Variants in CYRIA observed in about 807,000 individuals in gnomAD.
The protein encoded by CYRIA is CYFIP-related Rac1 interactor A.
Under a neutral mutation model 43.9 loss-of-function variants are expected in CYRIA, and 15 were observed. That is an observed-to-expected ratio of 0.34 (90% CI 0.23 to 0.53). CYRIA has a LOEUF of 0.53. CYRIA is among the 20% of genes least tolerant of loss of function. The pLI is 0.94. For synonymous variants in CYRIA, 117 were observed against 136.0 expected (o/e 0.86, Z 0.97); for missense variants, 236 against 394.2 (o/e 0.60, Z 3.40).
chr2:16,652,587 T>A (rs1336285079), intron 1 of CYRIA, among the ~76,000 whole-genome samples: 1 of 152,192 alleles, frequency 6.6e-6, no homozygotes. Flanking sequence ...AGAGATGAAG[T>A]CTTCCGGGTC....
chr2:16,656,821 C>G (rs2103554558), intron 1 of CYRIA, among the ~76,000 whole-genome samples: 1 of 152,338 alleles, frequency 6.6e-6, no homozygotes, highest in South Asian at 2.1e-4. Flanking sequence ...CTTGGTCAAG[C>G]AGCCAGTGAG....
At chr2:16,610,854 T>C (rs911078762) in intron 2 of CYRIA, among the ~76,000 whole-genome samples, 1 of 141,806 alleles carries the variant, frequency 7.1e-6, no homozygotes, top group Non-Finnish European at 1.5e-5. Context: ...TCATCATCCT[T>C]GGCACTTGCC....
chr2:16,590,267 C>T (rs1262034736), intron 2 of CYRIA, among the ~76,000 whole-genome samples: 7 of 152,138 alleles, frequency 4.6e-5, no homozygotes, highest in Admixed American at 3.3e-4. Context: ...GAGTCCATCC[C>T]TGCCACTGGG....
At chr2:16,622,962 T>G (rs1669044803) in intron 2 of CYRIA, 1 of 152,252 alleles carries the variant, frequency 6.6e-6, no homozygotes, top group Admixed American at 6.5e-5. Context: ...CTTAGCTTCG[T>G]GAAATGCTTC....
At chr2:16,565,909 T>A in intron 3 of CYRIA, 142 bp from the exon 4 acceptor site, 3 of 730,734 alleles carry the variant, frequency 4.1e-6, no homozygotes, top group Non-Finnish European at 5.8e-6. Context: ...AATAAGCTGC[T>A]AGGATGCTAG....
At chr2:16,608,824 TGCTTTGGAGCTGGA>T (rs1668498696) in intron 2 of CYRIA, among the ~76,000 whole-genome samples, 1 of 152,196 alleles carries the variant, frequency 6.6e-6, no homozygotes, top group African/African-American at 2.4e-5. Context: ...CCTGCACTGT[TGCTTTGGAGCTGGA>T]GAAGAAAGCC....
At chr2:16,600,187 A>C (rs1668155817) in intron 2 of CYRIA, among the ~76,000 whole-genome samples, 1 of 152,268 alleles carries the variant, frequency 6.6e-6, no homozygotes, top group Non-Finnish European at 1.5e-5. Flanking sequence ...ACTGAAAAGA[A>C]ATGAAATGCC....
chr2:16,656,768 G>A (rs538085722), intron 1 of CYRIA, among the ~76,000 whole-genome samples: 55 of 152,350 alleles, frequency 3.6e-4, no homozygotes, highest in African/African-American at 1.3e-3. Context: ...CAGAGCAATT[G>A]CTGGAATGGC....
chr2:16,613,823 G>A (rs1410311307), intron 2 of CYRIA, among the ~76,000 whole-genome samples: 3 of 152,196 alleles, frequency 2.0e-5, no homozygotes, highest in Non-Finnish European at 2.9e-5. Flanking sequence ...AGTAGCCAAC[G>A]CTTACTTAAT....
intron 3 of CYRIA, among the ~76,000 whole-genome samples, chr2:16,569,208 G>A (rs762818605): frequency 2.4e-4 from 37 of 152,086 alleles, no homozygotes; most frequent in Non-Finnish European, 4.9e-4. Context: ...CGGACTTCAG[G>A]GGCTGTGGTA....
rs1669933410 is a variant in CYRIA at position 16,650,121 on chromosome 2, A to G, written c.-167+15659T>C. On this transcript the variant is annotated intron_variant, in intron 1 of 11. Transcript: ENST00000381323. The surrounding 1 kb of genome is among the most constrained non-coding windows in gnomAD (Gnocchi z 4.1). ...CAACCTGCAGCCCCTGACACGTGGC[A>G]CAGCAAGACAGTCGTCGCCATCAGC... Among the ~76,000 whole-genome samples, 1 of 152,216 alleles carries G rather than the reference A, an allele frequency of 6.6e-6. No homozygotes were observed. Among genetic ancestry groups the G allele is most frequent in the African/African-American group, 2.4e-5 (1 of 41,450 alleles).
At chr2:16,577,444 A>C (rs1377558891) in intron 3 of CYRIA, among the ~76,000 whole-genome samples, 2 of 152,208 alleles carry the variant, frequency 1.3e-5, no homozygotes, top group Non-Finnish European at 2.9e-5. Flanking sequence ...AACAAGTTAG[A>C]TACTCTACAA....
At chr2:16,617,990 T>C (rs1311623874) in intron 2 of CYRIA, among the ~76,000 whole-genome samples, 1 of 152,186 alleles carries the variant, frequency 6.6e-6, no homozygotes, top group Non-Finnish European at 1.5e-5. Flanking sequence ...TCTCCCTCTC[T>C]CCCTCTTTAT....
In CYRIA at chr2:16,592,702, T is replaced by C. The variant is rs79981275; in HGVS notation, c.-10-4573A>G. On this transcript the variant is annotated intron_variant, in intron 2 of 11. Transcript: ENST00000381323. ...TGTTGACTCAGCTCATTCTCAAATA[T>C]GACTTCTACTGTGAAACAGACTCTT... is the stretch of plus-strand genomic sequence containing the variant. Among the ~76,000 whole-genome samples the C allele has an allele frequency of 1.5e-3, 232 of 152,290 alleles. 7 individuals carry two copies. The East Asian group carries it at 0.04, about 26-fold the overall frequency.
At chr2:16,635,507 G>T (rs1669468760) in intron 1 of CYRIA, among the ~76,000 whole-genome samples, 1 of 152,218 alleles carries the variant, frequency 6.6e-6, no homozygotes, top group Admixed American at 6.5e-5. Context: ...TGCGGGAAAA[G>T]TAAACGTGTC....
intron 1 of CYRIA, among the ~76,000 whole-genome samples, chr2:16,634,140 G>A (rs150175122): frequency 1.4e-3 from 207 of 152,264 alleles, no homozygotes; most frequent in Middle Eastern, 6.8e-3. Flanking sequence ...ACAGCCAGCC[G>A]ATCCACTAAG....
chr2:16,579,084 G>A (rs1422727847), intron 3 of CYRIA, among the ~76,000 whole-genome samples: 1 of 152,054 alleles, frequency 6.6e-6, no homozygotes, highest in Non-Finnish European at 1.5e-5. Context: ...AACAATGAAA[G>A]CCAGAAGACA....
In CYRIA at chr2:16,646,565, G is replaced by T. The variant is rs115115375; in HGVS notation, c.-167+19215C>A. Among the ~76,000 whole-genome samples the T allele has an allele frequency of 6.5e-3, 988 of 152,270 alleles. 8 individuals are homozygous for T. Among genetic ancestry groups the T allele is most frequent in the African/African-American group, 0.023 (960 of 41,542 alleles). On this transcript the variant is annotated intron_variant, in intron 1 of 11. Transcript: ENST00000381323. ...CGTGCAGTGTGGGAGCCTCCTTGTTGCGACTTGACATTTTCTTTAATTGTA... is the reference window on the plus strand; with the variant it reads ...CGTGCAGTGTGGGAGCCTCCTTGTTTCGACTTGACATTTTCTTTAATTGTA...
At chr2:16,642,547 G>T (rs544460961) in intron 1 of CYRIA, among the ~76,000 whole-genome samples, 29 of 152,278 alleles carry the variant, frequency 1.9e-4, no homozygotes, top group African/African-American at 6.7e-4. Flanking sequence ...TTGCCATAGA[G>T]TGGCCAGAGT....
Sources: allele counts gnomAD v4.1 joint callset (sites outside exome capture counted in the v4.1 genomes callset), GRCh38; gene constraint gnomAD v4.1.1; non-coding constraint Gnocchi (gnomAD v3.1); transcripts MANE v1.5; gene names NCBI Gene and HGNC (gene_info 2026-07-23, HGNC 2026-07-21).